The following CDKL5 variants were observed in gnomAD, a reference collection of about 807,000 sequenced individuals.
The protein encoded by CDKL5 is cyclin dependent kinase like 5.
CDKL5 carries 8 observed loss-of-function variants against 61.7 expected under a neutral mutation model. The ratio of observed to expected loss-of-function variants is 0.13; its 90% CI spans 0.08 to 0.23. The LOEUF (loss-of-function observed/expected upper bound fraction) is 0.23, where lower values mean the gene tolerates loss of function less well. Ranked by LOEUF, CDKL5 falls within the 10% of genes least tolerant of loss-of-function variation. The pLI is 1.00. For synonymous variants in CDKL5, 275 were observed against 272.3 expected (o/e 1.01, Z -0.10); for missense variants, 440 against 734.5 (o/e 0.60, Z 4.63).
chrX:18,540,230 A>C (rs1351560785), intron 3 of CDKL5, among the ~76,000 whole-genome samples: 2 of 111,381 alleles, frequency 1.8e-5, no homozygotes, highest in Non-Finnish European at 3.8e-5. Flanking sequence ...AGGGTCACCC[A>C]GTGGTGCAAT....
chrX:18,624,087 G>A, intron 16 of CDKL5: 2 of 438,084 alleles, frequency 4.6e-6, no homozygotes, highest in Non-Finnish European at 5.7e-6. Context: ...ATTTTCATGA[G>A]GTCATATTCT....
At position 18,581,925 on chromosome X, in the gene CDKL5, T is replaced by C. The variant is rs776078892; in HGVS notation, c.438T>C (p.Asn146=). ...CAGAAAATCTCTTAATCAGCCACAA[T>C]GATGTCCTAAAACTGTGTGACTTTG... ...IKPENLLISH[N]DVLKLCDFGF... The change falls in exon 7 of 18, where the codon AAT becomes AAC. Residue 146 remains asparagine, a synonymous_variant. Coordinates refer to ENST00000623535, the MANE Select transcript of CDKL5 (RefSeq NM_001323289.2). 1.7e-6 allele frequency: 2 copies of C among 1,198,516 alleles called. No individual in the cohort carries two copies. The highest frequency in any genetic ancestry group is 1.1e-6 in the Non-Finnish European group (1 of 884,137).
At chrX:18,426,447 A>G in intron 1 of CDKL5, 1 of 112,743 alleles carries the variant, frequency 8.9e-6, no homozygotes, top group Non-Finnish European at 1.9e-5. Flanking sequence ...GGGGAAAAAA[A>G]TAACCTGAAC....
Position 18,536,782 on chromosome X carries a change from C to G in CDKL5, c.99+25928C>G, listed in dbSNP as rs750134862. 2.7e-5 allele frequency among the ~76,000 whole-genome samples: 3 copies of G among 110,611 alleles called. No individual in the cohort carries two copies. In the East Asian group the frequency reaches 8.5e-4, roughly 31 times the overall value. On this transcript the variant is annotated intron_variant, in intron 3 of 17. Transcript: ENST00000623535. ...TTAAGAAAGCAACCTGTGTGTCTCCCTCCTGAGAGCTTCTGGCTGCACCGA... is the reference window on the plus strand; with the variant it reads ...TTAAGAAAGCAACCTGTGTGTCTCCGTCCTGAGAGCTTCTGGCTGCACCGA...
At chrX:18,611,723 G>GTAA (rs1274319665) in intron 14 of CDKL5, among the ~76,000 whole-genome samples, 1 of 111,767 alleles carries the variant, frequency 8.9e-6, no homozygotes, top group Non-Finnish European at 1.9e-5. Flanking sequence ...TACTTCATAT[G>GTAA]TCTCTACCTC....
rs1927324285 is a variant in CDKL5, at chrX:18,634,391, C to T, written c.*5634C>T. 1.3e-6 allele frequency: 1 copy of T among 751,876 alleles called. No homozygotes were observed. Among genetic ancestry groups the T allele is most frequent in the Admixed American group, 8.8e-5 (1 of 11,364 alleles). 62.0% of individuals were successfully genotyped at this position (751,876 alleles called of 1,213,427 possible). ...AACCCAGGAATAGAAAAGGTAGATG[C>T]CTTGACTTTTGTCCCTGTTGTGGGG... On this transcript the variant is annotated 3_prime_UTR_variant, in exon 18 of 18. Coordinates refer to ENST00000623535, the MANE Select transcript of CDKL5 (RefSeq NM_001323289.2).
At chrX:18,626,661 C>CTCTCT (rs1927053101) in intron 17 of CDKL5, 1 of 23,953 alleles carries the variant, frequency 4.2e-5, no homozygotes, top group Non-Finnish European at 8.0e-5. Flanking sequence ...ACCAAGAAGC[C>CTCTCT]CTCTCTCTCT....
intron 3 of CDKL5, among the ~76,000 whole-genome samples, chrX:18,546,717 A>G (rs1924212271): frequency 8.9e-6 from 1 of 111,986 alleles, no homozygotes; most frequent in Non-Finnish European, 1.9e-5. Context: ...TCAGGGGCAC[A>G]GAGTTAAGTG....
At chrX:18,535,264 G>T in intron 3 of CDKL5, 1 of 120,093 alleles carries the variant, frequency 8.3e-6, no homozygotes, top group South Asian at 3.0e-4. Context: ...TGTCTGCTAT[G>T]ACCAGTCTTT....
chrX:18,464,202 T>A (rs1038003805), intron 1 of CDKL5, among the ~76,000 whole-genome samples: 14 of 110,762 alleles, frequency 1.3e-4, no homozygotes, highest in South Asian at 3.8e-4. Flanking sequence ...GTTTTTTTTT[T>A]AATTTAATTG....
At chrX:18,652,445 G>A (rs1911138590) in intron 21 of CDKL5, among the ~76,000 whole-genome samples, 1 of 112,121 alleles carries the variant, frequency 8.9e-6, no homozygotes, top group Non-Finnish European at 1.9e-5. Context: ...GAGGCGGGAG[G>A]ATCACTTGAG....
chrX:18,651,264 TGAGA>T lies in CDKL5; in HGVS notation c.2980+693_2980+696del, dbSNP rs1191836877. Among the ~76,000 whole-genome samples the T allele has an allele frequency of 8.9e-3, 613 of 68,983 alleles. 7 individuals carry two copies. The highest frequency in any genetic ancestry group is 0.035 in the African/African-American group (555 of 15,969). 59.9% of individuals were successfully genotyped at this position (68,983 alleles called of 115,157 possible). On this transcript the variant is annotated intron_variant, in intron 21 of 21. Transcript: ENST00000379989. ...GTGTGTGTGTGTGTGTGTGTGTGTG[TGAGA>T]GAGAGAGAGAGAGAGAGAGACAGAG...
intron 11 of CDKL5, among the ~76,000 whole-genome samples, chrX:18,602,498 A>G (rs937809407): frequency 1.8e-5 from 2 of 108,402 alleles, no homozygotes; most frequent in African/African-American, 6.7e-5. Context: ...TTGCCATTTT[A>G]GTGCTCATAT....
intron 3 of CDKL5, among the ~76,000 whole-genome samples, chrX:18,518,323 T>C (rs1012544341): frequency 1.4e-4 from 15 of 107,502 alleles, no homozygotes; most frequent in African/African-American, 5.0e-4. Context: ...ATGTAATTTT[T>C]ACTTTTAAGG....
At chrX:18,525,343 C>T (rs1316262082) in intron 3 of CDKL5, among the ~76,000 whole-genome samples, 3 of 111,657 alleles carry the variant, frequency 2.7e-5, no homozygotes, top group Admixed American at 1.9e-4. Flanking sequence ...AGGTGATCTA[C>T]CCACTTCAGC....
chrX:18,442,224 G>C (rs1299285010), intron 1 of CDKL5: 1 of 110,995 alleles, frequency 9.0e-6, no homozygotes, highest in Non-Finnish European at 1.9e-5. Context: ...TGAGTGGGGT[G>C]GGGGAGTTGG....
chrX:18,481,615 G>A (rs1188433962), intron 1 of CDKL5, among the ~76,000 whole-genome samples: 1 of 105,479 alleles, frequency 9.5e-6, no homozygotes, highest in East Asian at 3.0e-4. Context: ...TGCCCGGCCT[G>A]TCTCCCAAAG....
chrX:18,587,910 A>T, intron 8 of CDKL5, 44 bp from the exon 9 acceptor site: 2 of 1,103,354 alleles, frequency 1.8e-6, no homozygotes, highest in Non-Finnish European at 1.3e-6. Context: ...TCAAAACATT[A>T]TATTTTTTCA....
intron 1 of CDKL5, among the ~76,000 whole-genome samples, chrX:18,439,176 C>A (rs1332452488): frequency 1.9e-5 from 2 of 106,884 alleles, no homozygotes; most frequent in Non-Finnish European, 3.8e-5. Flanking sequence ...TGTCTAGTTA[C>A]CTGTGTAAGA....
Sources: allele counts gnomAD v4.1 joint callset (sites outside exome capture counted in the v4.1 genomes callset), GRCh38; gene constraint gnomAD v4.1.1; transcripts MANE v1.5; gene names NCBI Gene and HGNC (gene_info 2026-07-23, HGNC 2026-07-21).